GPC3: variants seen among roughly 807,000 people sequenced by gnomAD.
The protein encoded by GPC3 is glypican 3.
A neutral mutation model predicts 34.4 loss-of-function variants in GPC3; 3 were observed. That is an observed-to-expected ratio of 0.09 (90% CI 0.04 to 0.23). GPC3 has a LOEUF of 0.23. Among genes scored for constraint, GPC3 ranks in the 10% least tolerant of loss-of-function variants. GPC3 has a pLI of 1.00. For missense variants in GPC3, 351 were observed against 445.6 expected (o/e 0.79, Z 1.91); for synonymous variants, 177 against 174.0 (o/e 1.02, Z -0.13).
intron 2 of GPC3, among the ~76,000 whole-genome samples, chrX:133,872,746 T>C (rs973746778): frequency 8.9e-6 from 1 of 112,290 alleles, no homozygotes; most frequent in African/African-American, 3.2e-5. Context: ...TTTTTCTATA[T>C]GGGCTGAAGA....
At chrX:133,836,994 G>A (rs1043594109) in intron 2 of GPC3, among the ~76,000 whole-genome samples, 4 of 111,600 alleles carry the variant, frequency 3.6e-5, no homozygotes, top group Non-Finnish European at 5.6e-5. Flanking sequence ...CTTACTCTGC[G>A]GGGAAAAAAA....
intron 2 of GPC3, among the ~76,000 whole-genome samples, chrX:133,922,174 T>C (rs1464572475): frequency 8.9e-6 from 1 of 112,432 alleles, no homozygotes; most frequent in Non-Finnish European, 1.9e-5. Context: ...TGGCAGCAAG[T>C]AGCTCAAGAA....
chrX:133,820,909 C>G (rs925834596), intron 2 of GPC3, among the ~76,000 whole-genome samples: 1 of 111,615 alleles, frequency 9.0e-6, no homozygotes, highest in Non-Finnish European at 1.9e-5. Context: ...CCATCTAGCA[C>G]TAGGATCTCA....
chrX:133,729,830 TTTAA>T (rs2071445256), intron 3 of GPC3, among the ~76,000 whole-genome samples: 2 of 112,209 alleles, frequency 1.8e-5, no homozygotes, highest in Non-Finnish European at 3.8e-5. Context: ...TAAGCATTAG[TTTAA>T]TTAACGCTGA....
intron 2 of GPC3, among the ~76,000 whole-genome samples, chrX:133,794,243 A>G (rs553419147): frequency 1.8e-5 from 2 of 111,977 alleles, no homozygotes; most frequent in South Asian, 7.5e-4. Context: ...TTCCATTTTT[A>G]ACTTATCATG....
chrX:133,611,552 C>A (rs2070112973), intron 6 of GPC3, among the ~76,000 whole-genome samples: 1 of 112,063 alleles, frequency 8.9e-6, no homozygotes, highest in Admixed American at 9.4e-5. Flanking sequence ...TTGAAAGCAT[C>A]TTAGGCTTAA....
Position 133,917,864 on chromosome X carries a change from C to A in GPC3, c.337+35186G>T, listed in dbSNP as rs149810610. ...ATGTGATGGTATTAAATATGAATAA[C>A]CAGCTGCTCTATCCCTTTGAGGAGA... On this transcript the variant is annotated intron_variant, in intron 2 of 7. Coordinates refer to ENST00000370818, the MANE Select transcript of GPC3 (RefSeq NM_004484.4). Among the ~76,000 whole-genome samples the A allele has an allele frequency of 5.2e-3, 585 of 111,518 alleles. 6 individuals carry two copies. Among genetic ancestry groups the A allele is most frequent in the African/African-American group, 0.018 (552 of 30,705 alleles).
At chrX:133,952,020 G>A (rs924164474) in intron 2 of GPC3, among the ~76,000 whole-genome samples, 1 of 110,763 alleles carries the variant, frequency 9.0e-6, no homozygotes, top group Non-Finnish European at 1.9e-5. Flanking sequence ...GCAAGAAAAA[G>A]GTGGCTGATT....
chrX:133,658,667 C>G (rs1415697054), intron 6 of GPC3, among the ~76,000 whole-genome samples: 1 of 111,971 alleles, frequency 8.9e-6, no homozygotes, highest in East Asian at 2.8e-4. Context: ...TGGAGTCCAA[C>G]CAATTTTAAC....
At chrX:133,569,896 GTTT>G (rs11396937) in intron 7 of GPC3, among the ~76,000 whole-genome samples, 1 of 102,199 alleles carries the variant, frequency 9.8e-6, no homozygotes, top group Non-Finnish European at 2.0e-5. Context: ...AAAAGAATGG[GTTT>G]TTTTTTTTTT....
Position 133,625,377 on chromosome X carries a change from C to T in GPC3, c.1414-28778G>A, listed in dbSNP as rs141632969. On this transcript the variant is annotated intron_variant, in intron 6 of 7. Coordinates refer to ENST00000370818, the MANE Select transcript of GPC3 (RefSeq NM_004484.4). ...ATTAGGAAAAGAGGAAGTCAAATTG[C>T]CCCTGTTTGCAGATGACATGATTGT... 9.0e-3 allele frequency among the ~76,000 whole-genome samples: 1,003 copies of T among 111,675 alleles called. 15 individuals carry two copies. Among genetic ancestry groups the T allele is most frequent in the African/African-American group, 0.03 (909 of 30,758 alleles).
chrX:133,847,447 C>G (rs916966366), intron 2 of GPC3, among the ~76,000 whole-genome samples: 2 of 112,312 alleles, frequency 1.8e-5, no homozygotes, highest in Non-Finnish European at 3.8e-5. Context: ...TGCGCATGCA[C>G]TTGCTGAAAG....
chrX:133,555,719 T>C (rs1052652553), intron 7 of GPC3, among the ~76,000 whole-genome samples: 1 of 110,262 alleles, frequency 9.1e-6, no homozygotes, highest in Non-Finnish European at 1.9e-5. Flanking sequence ...TCCTAGCTAC[T>C]TGGGAGGCTG....
At chrX:133,771,071 C>T (rs1400442345) in intron 2 of GPC3, among the ~76,000 whole-genome samples, 1 of 111,084 alleles carries the variant, frequency 9.0e-6, no homozygotes, top group Non-Finnish European at 1.9e-5. Flanking sequence ...CAGGCCTGCC[C>T]CATTTATGTC....
intron 7 of GPC3, among the ~76,000 whole-genome samples, chrX:133,573,111 G>A (rs1037750220): frequency 9.0e-6 from 1 of 111,298 alleles, no homozygotes; most frequent in Admixed American, 9.6e-5. Flanking sequence ...CATACAAAAT[G>A]TGAACAATGT....
chrX:133,598,816 C>T, intron 6 of GPC3, among the ~76,000 whole-genome samples: 1 of 111,983 alleles, frequency 8.9e-6, no homozygotes. Context: ...CTGGAAAATA[C>T]TGGCTCACTG....
intron 4 of GPC3, among the ~76,000 whole-genome samples, chrX:133,694,311 C>T (rs191797984): frequency 2.0e-3 from 216 of 110,621 alleles, no homozygotes; most frequent in African/African-American, 6.7e-3. Flanking sequence ...TATTTAACTT[C>T]TGATACCCAC....
In GPC3 at chrX:133,821,005, T is replaced by C. The variant is rs772015536; in HGVS notation, c.338-66829A>G. Among the ~76,000 whole-genome samples, 4 of 111,949 alleles carry C rather than the reference T, an allele frequency of 3.6e-5. 1 individual carries two copies. The highest frequency in any genetic ancestry group is 7.5e-5 in the Non-Finnish European group (4 of 53,183). ...CAGCACATAGCAAGAGCTCCATGCA[T>C]TTCTTAAAGTTCCACAAAAGGGGTT... is the stretch of plus-strand genomic sequence containing the variant. On this transcript the variant is annotated intron_variant, in intron 2 of 7. Transcript: ENST00000370818.
chrX:133,977,703 G>A (rs1010857851), intron 1 of GPC3, among the ~76,000 whole-genome samples: 3 of 111,673 alleles, frequency 2.7e-5, no homozygotes, highest in African/African-American at 9.8e-5. Context: ...TCTGATTTTT[G>A]TTTTCAAATG....
Sources: gnomAD v4.1 joint callset for allele counts (sites outside exome capture counted in the v4.1 genomes callset) on GRCh38, gnomAD v4.1.1 for gene constraint, MANE v1.5 for transcripts, NCBI Gene and HGNC (gene_info 2026-07-23, HGNC 2026-07-21) for gene names.